Variants in SHROOM3 observed in about 807,000 individuals in gnomAD.
The protein encoded by SHROOM3 is protein Shroom3.
SHROOM3 carries 47 observed loss-of-function variants against 138.6 expected under a neutral mutation model. The ratio of observed to expected loss-of-function variants is 0.34; its 90% CI spans 0.27 to 0.43. The LOEUF is 0.43. Ranked by LOEUF, SHROOM3 falls within the 20% of genes least tolerant of loss-of-function variation. SHROOM3 has a pLI of 1.00. For synonymous variants in SHROOM3, 1,062 were observed against 1,063.3 expected (o/e 1.00, Z 0.02); for missense variants, 2,491 against 2,596.5 (o/e 0.96, Z 0.88).
At chr4:76,459,629 T>A (rs907764958) in intron 1 of SHROOM3, among the ~76,000 whole-genome samples, 3 of 152,020 alleles carry the variant, frequency 2.0e-5, no homozygotes, top group African/African-American at 4.8e-5. Flanking sequence ...GGTCACTTTT[T>A]CCTTTCACTA....
chr4:76,754,934 G>T lies in SHROOM3; in HGVS notation c.4451G>T (p.Arg1484Met). 1 of 1,614,188 alleles carries T rather than the reference G, an allele frequency of 6.2e-7. No homozygotes were observed. The change falls in exon 7 of 11, where the codon AGG (arginine) becomes ATG (methionine). Residue 1484 changes from arginine to methionine, a missense_variant. Around this residue, in one of 4 missense-constraint regions of SHROOM3, gnomAD observed 1,733 missense variants for 1,661.6 expected, o/e 1.04. Transcript: ENST00000296043. The stretch of plus-strand genomic sequence containing the variant: ...CTTGGGGCCCCGAGCACTCCAGGGA[G>T]GATCTCCCTCCGAATATCTGAGTCT... Reference protein sequence around the residue: ...TPLGAPSTPGRISLRISESVL... With the variant: ...TPLGAPSTPGMISLRISESVL...
In SHROOM3 at chr4:76,571,494, G is replaced by C. The variant is rs75323125; in HGVS notation, c.323+15731G>C. ...TCACTAAATAAATTAGCCTTCCCGT[G>C]TTGTCTCACTCATTTGACATTAGCA... On this transcript the variant is annotated intron_variant, in intron 2 of 10. Coordinates refer to ENST00000296043, the MANE Select transcript of SHROOM3 (RefSeq NM_020859.4). 6.0e-3 allele frequency among the ~76,000 whole-genome samples: 918 copies of C among 152,296 alleles called. 14 individuals carry two copies. Among genetic ancestry groups the C allele is most frequent in the African/African-American group, 0.021 (868 of 41,556 alleles).
At position 76,472,856 on chromosome 4, in the gene SHROOM3, A is replaced by G. The variant is rs1731406402; in HGVS notation, c.168+36636A>G. On this transcript the variant is annotated intron_variant, in intron 1 of 10. Coordinates refer to ENST00000296043, the MANE Select transcript of SHROOM3 (RefSeq NM_020859.4). ...ACTACAGACATGTGCCGCCATGTCC[A>G]GCTAATTTTTGTATTTTTAGTAGAG... 2.6e-5 allele frequency among the ~76,000 whole-genome samples: 4 copies of G among 152,186 alleles called. No homozygotes were observed. The South Asian group carries it at 8.3e-4, about 32-fold the overall frequency.
intron 1 of SHROOM3, among the ~76,000 whole-genome samples, chr4:76,529,368 G>A (rs1732782011): frequency 6.6e-6 from 1 of 151,724 alleles, no homozygotes; most frequent in Non-Finnish European, 1.5e-5. Context: ...CCAGGCTGGA[G>A]TGCAGTGGTG....
chr4:76,614,937 C>A (rs1486118685), intron 2 of SHROOM3, among the ~76,000 whole-genome samples: 2 of 152,144 alleles, frequency 1.3e-5, no homozygotes, highest in African/African-American at 4.8e-5. Context: ...TGGTTTTCTA[C>A]AATAGGCCTT....
At chr4:76,482,414 A>T (rs980436598) in intron 1 of SHROOM3, among the ~76,000 whole-genome samples, 4 of 152,172 alleles carry the variant, frequency 2.6e-5, no homozygotes, top group African/African-American at 9.7e-5. Context: ...AATTGCTACA[A>T]ATAGAATAAA....
chr4:76,605,946 T>TAC (rs1200970105), intron 2 of SHROOM3, among the ~76,000 whole-genome samples: 3 of 135,264 alleles, frequency 2.2e-5, no homozygotes, highest in South Asian at 2.4e-4. Context: ...TATATATATA[T>TAC]ACACATATAT....
At chr4:76,462,002 A>G (rs1425288263) in intron 1 of SHROOM3, among the ~76,000 whole-genome samples, 3 of 152,218 alleles carry the variant, frequency 2.0e-5, no homozygotes, top group Non-Finnish European at 4.4e-5. Flanking sequence ...GTTTACCATT[A>G]GGATAGGACA....
At chr4:76,776,600 C>T (rs543622218) in intron 10 of SHROOM3, among the ~76,000 whole-genome samples, 2 of 152,196 alleles carry the variant, frequency 1.3e-5, no homozygotes, top group South Asian at 2.1e-4. Flanking sequence ...TTACAAAAAC[C>T]GTGGAGTTTA....
chr4:76,525,497 A>G (rs1732670382), intron 1 of SHROOM3, among the ~76,000 whole-genome samples: 2 of 152,248 alleles, frequency 1.3e-5, no homozygotes, highest in South Asian at 4.2e-4. Flanking sequence ...ATTTCTTTTA[A>G]TCTTAGTGAT....
At chr4:76,599,262 G>C (rs1364240920) in intron 2 of SHROOM3, among the ~76,000 whole-genome samples, 1 of 152,170 alleles carries the variant, frequency 6.6e-6, no homozygotes, top group Admixed American at 6.5e-5. Flanking sequence ...GAGGGCTTCA[G>C]TAGTAGCTTT....
At chr4:76,461,946 G>A (rs945348556) in intron 1 of SHROOM3, among the ~76,000 whole-genome samples, 1 of 152,166 alleles carries the variant, frequency 6.6e-6, no homozygotes, top group Non-Finnish European at 1.5e-5. Context: ...CTTTGGTGGT[G>A]GCATTAATCT....
chr4:76,652,201 A>T (rs1282853578), intron 2 of SHROOM3, among the ~76,000 whole-genome samples: 1 of 152,222 alleles, frequency 6.6e-6, no homozygotes, highest in Non-Finnish European at 1.5e-5. Flanking sequence ...AATTTGAGCT[A>T]GATAAAGAAA....
At position 76,754,971 on chromosome 4, in the gene SHROOM3, C is replaced by T; in HGVS notation, c.4488C>T (p.Asp1496=). The T allele has an allele frequency of 6.2e-7, 1 of 1,614,130 alleles. No homozygotes were observed. The highest frequency in any genetic ancestry group is 8.5e-7 in the Non-Finnish European group (1 of 1,179,980). The change falls in exon 7 of 11, where the codon GAC becomes GAT. Residue 1496 remains aspartate, a synonymous_variant. Transcript: ENST00000296043. ...SLRISESVLR[D]SPPPHEDYED... Reference sequence around the variant, plus strand: ...GAATATCTGAGTCTGTCCTGCGGGACTCCCCGCCACCTCATGAGGATTATG... The same window carrying T: ...GAATATCTGAGTCTGTCCTGCGGGATTCCCCGCCACCTCATGAGGATTATG...
intron 1 of SHROOM3, among the ~76,000 whole-genome samples, chr4:76,458,696 T>C (rs2109974295): frequency 6.6e-6 from 1 of 152,358 alleles, no homozygotes; most frequent in East Asian, 1.9e-4. Flanking sequence ...TCAAATGCCA[T>C]ACAATTATCC....
At chr4:76,464,901 A>G (rs1477224009) in intron 1 of SHROOM3, among the ~76,000 whole-genome samples, 2 of 152,172 alleles carry the variant, frequency 1.3e-5, no homozygotes, top group East Asian at 3.8e-4. Context: ...CTGTAAGTCA[A>G]TTAAACCTCT....
chr4:76,443,734 G>C (rs1004870803), intron 1 of SHROOM3, among the ~76,000 whole-genome samples: 14 of 152,282 alleles, frequency 9.2e-5, no homozygotes, highest in Non-Finnish European at 1.5e-4. Flanking sequence ...TGTGGATCTT[G>C]GTTTGTAGAA....
At chr4:76,599,360 C>A (rs551433045) in intron 2 of SHROOM3, among the ~76,000 whole-genome samples, 48 of 152,136 alleles carry the variant, frequency 3.2e-4, no homozygotes, top group African/African-American at 1.2e-3. Context: ...GGATCTTTTG[C>A]GTTGTGATCC....
At chr4:76,755,294 G>A (rs754639839) in intron 7 of SHROOM3, 102 bp downstream of exon 7, 192 of 1,385,308 alleles carry the variant, frequency 1.4e-4, no homozygotes, top group Non-Finnish European at 2.1e-5. Context: ...CTGGCATGGA[G>A]ATGTTTCTAT....
Sources: allele counts gnomAD v4.1 joint callset (sites outside exome capture counted in the v4.1 genomes callset), GRCh38; gene constraint gnomAD v4.1.1; regional missense constraint gnomAD v4.1.1; transcripts MANE v1.5; gene names NCBI Gene and HGNC (gene_info 2026-07-23, HGNC 2026-07-21).